The following CARD9 variants were observed in gnomAD, a reference collection of about 807,000 sequenced individuals.
The protein encoded by CARD9 is caspase recruitment domain family member 9.
In CARD9, 53 loss-of-function variants were observed where a neutral mutation model predicts 66.0. The observed-to-expected ratio is 0.80, with a 90% confidence interval of 0.64 to 1.01. The LOEUF (loss-of-function observed/expected upper bound fraction) is 1.01. CARD9 is among the 50% of genes least tolerant of loss of function. The pLI is 0.00. For synonymous variants in CARD9, 387 were observed against 313.8 expected (o/e 1.23, Z -2.47); for missense variants, 769 against 743.2 (o/e 1.03, Z -0.40).
Position 136,364,358 on chromosome 9 carries a change from C to T in CARD9, c.1555G>A (p.Glu519Lys). The change falls in exon 13 of 13, where the codon GAG (glutamate) becomes AAG (lysine). Residue 519 changes from glutamate to lysine, a missense_variant. Coordinates refer to ENST00000371732, the MANE Select transcript of CARD9 (RefSeq NM_052813.5). Reference sequence around the variant, plus strand: ...CCCGTGGTGTTCTCCCGGTCCTCCTCCCCCTGCCGCCATCCTTTCTGCATC... The same window carrying T: ...CCCGTGGTGTTCTCCCGGTCCTCCTTCCCCTGCCGCCATCCTTTCTGCATC... ...RKMQKGWRQG[E>K]EDRENTTGSD... 3.2e-6 allele frequency: 5 copies of T among 1,569,622 alleles called. No individual in the cohort carries two copies. The South Asian group carries it at 5.8e-5, about 18-fold the overall frequency.
At chr9:136,365,356 T>TCA in intron 10 of CARD9, 139 bp from the exon 11 acceptor site, 1 of 764,228 alleles carries the variant, frequency 1.3e-6, no homozygotes, top group South Asian at 1.5e-5. Context: ...CAGTGTAGAC[T>TCA]CTGCTTTCTG....
intron 7 of CARD9, among the ~76,000 whole-genome samples, chr9:136,368,611 C>G (rs1427109369): frequency 6.6e-6 from 1 of 152,214 alleles, no homozygotes; most frequent in Non-Finnish European, 1.5e-5. Flanking sequence ...CCATTGGAAA[C>G]AACCTCCAGG....
Position 136,364,098 on chromosome 9 carries a change from G to T in CARD9, c.*204C>A. 2 of 1,550,400 alleles carry T rather than the reference G, an allele frequency of 1.3e-6. No homozygotes were observed. Among genetic ancestry groups the T allele is most frequent in the East Asian group, 2.4e-5 (1 of 41,054 alleles). Reference sequence around the variant, plus strand: ...GTGTGCATGGGGGTGGTGAGCACCCGCATGGCCTCCGCAAAATGAGTGCCG... The same window carrying T: ...GTGTGCATGGGGGTGGTGAGCACCCTCATGGCCTCCGCAAAATGAGTGCCG... On this transcript the variant is annotated 3_prime_UTR_variant, in exon 13 of 13. Coordinates refer to ENST00000371732, the MANE Select transcript of CARD9 (RefSeq NM_052813.5).
rs144758491 is a variant in CARD9, at chr9:136,367,281, G to A, written c.1270-24C>T. 6 of 1,611,914 alleles carry A rather than the reference G, an allele frequency of 3.7e-6. No individual in the cohort carries two copies. The South Asian group carries it at 5.5e-5, about 15-fold the overall frequency. ...CTCTGTGGTCATAGAAAATGGGGTGGGTGGGCTGTGAGGGCAGAGGGCTCC... is the reference window on the plus strand; with the variant it reads ...CTCTGTGGTCATAGAAAATGGGGTGAGTGGGCTGTGAGGGCAGAGGGCTCC... On this transcript the variant is annotated intron_variant, in intron 8 of 12. Coordinates refer to ENST00000371732, the MANE Select transcript of CARD9 (RefSeq NM_052813.5).
At chr9:136,366,926 G>A (rs933480042) in intron 9 of CARD9, 81 bp from the exon 10 acceptor site, 10 of 1,514,398 alleles carry the variant, frequency 6.6e-6, no homozygotes, top group Middle Eastern at 1.7e-4. Flanking sequence ...CCAGCCCTTG[G>A]CCCTCAGCTG....
rs749746584 is a variant in CARD9, at chr9:136,365,233, G to A, written c.1358-16C>T. On this transcript the variant is annotated splice_polypyrimidine_tract_variant and intron_variant, in intron 10 of 12. Coordinates refer to ENST00000371732, the MANE Select transcript of CARD9 (RefSeq NM_052813.5). ...GCAAGGCAGCCTGGAAAGGAGAGTC[G>A]TGCCTGTGGGACCTGCCCATCTGCT... The A allele has an allele frequency of 2.5e-6, 4 of 1,605,018 alleles. No homozygotes were observed. The highest frequency in any genetic ancestry group is 2.2e-5 in the South Asian group (2 of 90,972).
rs1172495879 is a variant in CARD9, at chr9:136,371,306, G to A, written c.322+18C>T. On this transcript the variant is annotated intron_variant, in intron 3 of 12. Transcript: ENST00000371732. ...CGCCAGCGCCTCCCCTGTCGGCCCC[G>A]CCTCCCCCGTCACTCACCGATGATC... 5.6e-6 allele frequency: 9 copies of A among 1,596,724 alleles called. No homozygotes were observed. In the Admixed American group the frequency reaches 6.9e-5, roughly 12 times the overall value.
In CARD9 at chr9:136,366,807, T is replaced by C. The variant is rs1164932264; in HGVS notation, c.1350A>G (p.Ser450=). Residue 450 remains serine (S), a synonymous_variant, in exon 10 of 13, where the codon TCA becomes TCG. Transcript: ENST00000371732. ...LPQDLEDTQL[S]DKGCLAGGGS... ...CTGCTGTCCCCACCTCACCTTTGTC[T>C]GAGAGCTGGGTGTCCTCCAGGTCCT... is the stretch of plus-strand genomic sequence containing the variant. The C allele has an allele frequency of 6.2e-7, 1 of 1,612,958 alleles. No homozygotes were observed. The highest frequency in any genetic ancestry group is 1.3e-5 in the African/African-American group (1 of 74,900).
Position 136,370,247 on chromosome 9 carries a change from G to A in CARD9, c.951+47C>T, listed in dbSNP as rs760242188. 3 of 1,583,644 alleles carry A rather than the reference G, an allele frequency of 1.9e-6. No individual in the cohort carries two copies. In the South Asian group the frequency reaches 3.4e-5, roughly 18 times the overall value. ...GAGTGGGCGGAGCTCAGCCCGTCCA[G>A]CCTGGCTTGGACCCCAGGGGCCATG... On this transcript the variant is annotated intron_variant, in intron 6 of 12. Coordinates refer to ENST00000371732, the MANE Select transcript of CARD9 (RefSeq NM_052813.5).
chr9:136,365,567 T>G, intron 10 of CARD9: 1 of 335,296 alleles, frequency 3.0e-6, no homozygotes, highest in Non-Finnish European at 5.6e-6. Context: ...CTCCAAAGCA[T>G]CTGTGGGCAT....
intron 7 of CARD9, among the ~76,000 whole-genome samples, chr9:136,369,329 A>C (rs1833200137): frequency 6.6e-6 from 1 of 152,258 alleles, no homozygotes; most frequent in African/African-American, 2.4e-5. Context: ...AAACAAAACC[A>C]AATATATAAA....
At chr9:136,366,573 G>C (rs1276126138) in intron 10 of CARD9, 1 of 597,242 alleles carries the variant, frequency 1.7e-6, no homozygotes, top group African/African-American at 1.9e-5. Flanking sequence ...TCCACCCCAG[G>C]GGACACTTGT....
chr9:136,369,725 T>C, intron 7 of CARD9, 25 bp downstream of exon 7: 2 of 1,575,650 alleles, frequency 1.3e-6, no homozygotes, highest in Non-Finnish European at 1.7e-6. Flanking sequence ...GTGGGGTGCT[T>C]TGTCCTGCCC....
chr9:136,373,404 G>A lies in CARD9; in HGVS notation c.-17+128C>T, dbSNP rs186125099. ...CAGGGGCCGTGAAAGGGACGGGGCCGCATGGCGGAGGCTGCCTGGCTGCCT... is the reference window on the plus strand; with the variant it reads ...CAGGGGCCGTGAAAGGGACGGGGCCACATGGCGGAGGCTGCCTGGCTGCCT... On this transcript the variant is annotated intron_variant, in intron 1 of 12. Transcript: ENST00000371732. 2.3e-4 allele frequency: 157 copies of A among 689,456 alleles called. 2 individuals are homozygous for A. In the South Asian group the frequency reaches 5.7e-3, roughly 25 times the overall value. 42.7% of individuals were successfully genotyped at this position (689,456 alleles called of 1,614,324 possible).
Position 136,370,833 on chromosome 9 carries a change from G to A in CARD9, c.627+8C>T, listed in dbSNP as rs769775448. The A allele has an allele frequency of 3.8e-6, 6 of 1,593,434 alleles. No individual in the cohort carries two copies. Among genetic ancestry groups the A allele is most frequent in the Non-Finnish European group, 4.3e-6 (5 of 1,167,746 alleles). ...GGTGGCCTGGTTTCCCGGGGGCAGC[G>A]GGCGCACCTCCAGCTGCAGGTCACG... On this transcript the variant is annotated splice_region_variant and intron_variant, in intron 4 of 12. Transcript: ENST00000371732.
chr9:136,368,842 C>T (rs1280657155), intron 7 of CARD9, among the ~76,000 whole-genome samples: 3 of 150,730 alleles, frequency 2.0e-5, no homozygotes, highest in Non-Finnish European at 4.4e-5. Context: ...TTTTTTGAGA[C>T]GGAGTCTCGC....
chr9:136,364,064 A>G lies in CARD9; in HGVS notation c.*238T>C. On this transcript the variant is annotated 3_prime_UTR_variant, in exon 13 of 13. Coordinates refer to ENST00000371732, the MANE Select transcript of CARD9 (RefSeq NM_052813.5). ...GAAACAGAACAGATCCTGAAGTTAC[A>G]CAGATGGCGTGTGCATGGGGGTGGT... The G allele has an allele frequency of 6.5e-7, 1 of 1,544,604 alleles. No homozygotes were observed. The highest frequency in any genetic ancestry group is 2.4e-5 in the East Asian group (1 of 41,018).
intron 10 of CARD9, chr9:136,366,433 T>C (rs1026319129): frequency 1.2e-5 from 4 of 322,320 alleles, no homozygotes; most frequent in African/African-American, 6.4e-5. Context: ...AGGAGGAAGC[T>C]TGGAGCAGCC....
At position 136,364,008 on chromosome 9, in the gene CARD9, C is replaced by G; in HGVS notation, c.*294G>C. On this transcript the variant is annotated 3_prime_UTR_variant, in exon 13 of 13. Transcript: ENST00000371732. ...GCAGCTGTGTTTTCTAACACTAATA[C>G]AATGCATGCATGTATTGTGTGTTAC... is the stretch of plus-strand genomic sequence containing the variant. The G allele has an allele frequency of 1.5e-6, 2 of 1,292,796 alleles. No individual in the cohort carries two copies. The highest frequency in any genetic ancestry group is 2.2e-6 in the Non-Finnish European group (2 of 911,976). 80.1% of individuals were successfully genotyped at this position (1,292,796 alleles called of 1,614,324 possible).
Sources: gnomAD v4.1 joint callset for allele counts (sites outside exome capture counted in the v4.1 genomes callset) on GRCh38, gnomAD v4.1.1 for gene constraint, MANE v1.5 for transcripts, NCBI Gene and HGNC (gene_info 2026-07-23, HGNC 2026-07-21) for gene names.